Variants in PACRG observed in about 807,000 individuals in gnomAD.
The protein encoded by PACRG is parkin coregulated gene protein.
PACRG carries 29 observed loss-of-function variants against 29.7 expected under a neutral mutation model. The ratio of observed to expected loss-of-function variants is 0.98; its 90% confidence interval spans 0.73 to 1.33. PACRG has a LOEUF of 1.33. Among genes scored for constraint, PACRG ranks in the 40% most tolerant of loss-of-function variants. The pLI, the probability that PACRG is intolerant of heterozygous loss-of-function variation, is 0.00. For synonymous variants in PACRG, 116 were observed against 118.7 expected, an observed-to-expected ratio of 0.98 and a Z score of 0.15; for missense variants, 279 against 316.2, an observed-to-expected ratio of 0.88 and a Z score of 0.89.
At chr6:163,261,900 T>G (rs1241059865) in intron 4 of PACRG, among the ~76,000 whole-genome samples, 3 of 152,086 alleles carry the variant, frequency 2.0e-5, no homozygotes, top group Non-Finnish European at 4.4e-5. Flanking sequence ...CATCTGTGGA[T>G]TTTAGGATCA....
chr6:163,303,761 C>T (rs373305666), intron 4 of PACRG, among the ~76,000 whole-genome samples: 1 of 151,952 alleles, frequency 6.6e-6, no homozygotes, highest in Non-Finnish European at 1.5e-5. Context: ...GTAATCCCAG[C>T]ACTTTGGGGG....
chr6:162,766,633 T>C (rs2128297423), intron 1 of PACRG, among the ~76,000 whole-genome samples: 1 of 152,330 alleles, frequency 6.6e-6, no homozygotes. Context: ...ATTTTGTTTC[T>C]TGAATCTCCA....
chr6:163,109,347 C>A (rs10214583), intron 4 of PACRG, among the ~76,000 whole-genome samples: 4,630 of 152,298 alleles, frequency 0.03, 229 homozygotes, highest in African/African-American at 0.1. Context: ...GAGTTCAGAG[C>A]ATCACTATCA....
At chr6:163,295,008 A>G (rs1784736770) in intron 4 of PACRG, among the ~76,000 whole-genome samples, 1 of 152,200 alleles carries the variant, frequency 6.6e-6, no homozygotes, top group African/African-American at 2.4e-5. Context: ...AACATTATCA[A>G]CTTTCCAAGG....
At chr6:163,142,934 C>CCTAG (rs1318247754) in intron 4 of PACRG, among the ~76,000 whole-genome samples, 1 of 152,204 alleles carries the variant, frequency 6.6e-6, no homozygotes, top group Non-Finnish European at 1.5e-5. Context: ...AAGAATCCGT[C>CCTAG]CTAGAACAGA....
chr6:162,997,534 T>A (rs1413029518), intron 2 of PACRG: 3 of 419,616 alleles, frequency 7.1e-6, no homozygotes, highest in Non-Finnish European at 1.4e-5. Flanking sequence ...TTGGAAAAAT[T>A]CAATGTCAAG....
chr6:162,949,379 G>C (rs1799482248), intron 2 of PACRG, among the ~76,000 whole-genome samples: 1 of 152,130 alleles, frequency 6.6e-6, no homozygotes, highest in Non-Finnish European at 1.5e-5. Context: ...GGGCAGGAAT[G>C]AAGGGGTTGT....
At chr6:163,157,206 G>A (rs1002914243) in intron 4 of PACRG, among the ~76,000 whole-genome samples, 4 of 152,164 alleles carry the variant, frequency 2.6e-5, no homozygotes, top group Admixed American at 6.5e-5. Context: ...TCCGTCCCGC[G>A]TCCAGTAGTG....
At chr6:163,256,561 A>G (rs2128173800) in intron 4 of PACRG, among the ~76,000 whole-genome samples, 1 of 152,334 alleles carries the variant, frequency 6.6e-6, no homozygotes, top group South Asian at 2.1e-4. Flanking sequence ...GACATTGACA[A>G]AGACCCCCAG....
At chr6:163,276,884 C>G (rs1045130075) in intron 4 of PACRG, among the ~76,000 whole-genome samples, 4 of 152,182 alleles carry the variant, frequency 2.6e-5, no homozygotes, top group African/African-American at 9.7e-5. Flanking sequence ...TTACAAATTA[C>G]CCAGTCTAAG....
At chr6:162,977,177 A>G (rs945120670) in intron 2 of PACRG, among the ~76,000 whole-genome samples, 2 of 152,068 alleles carry the variant, frequency 1.3e-5, no homozygotes, top group South Asian at 4.1e-4. Context: ...ATAGACTCAA[A>G]GAAAATATTT....
chr6:163,062,599 C>T (rs746846558), intron 3 of PACRG, among the ~76,000 whole-genome samples: 7 of 152,146 alleles, frequency 4.6e-5, no homozygotes, highest in Middle Eastern at 3.2e-3. Context: ...CATTAACTTA[C>T]GCATCCAGAG....
chr6:162,992,121 G>A (rs1803482031), intron 2 of PACRG, among the ~76,000 whole-genome samples: 1 of 143,008 alleles, frequency 7.0e-6, no homozygotes, highest in African/African-American at 3.0e-5. Flanking sequence ...GCTTTTTGAG[G>A]TGCTGCTGGA....
chr6:163,247,679 T>C (rs1782745195), intron 4 of PACRG, among the ~76,000 whole-genome samples: 1 of 152,106 alleles, frequency 6.6e-6, no homozygotes, highest in African/African-American at 2.4e-5. Flanking sequence ...GCTGCAGTCA[T>C]TTCTATTAGG....
intron 2 of PACRG, among the ~76,000 whole-genome samples, chr6:162,912,226 C>T (rs1796349841): frequency 6.6e-6 from 1 of 152,218 alleles, no homozygotes; most frequent in Non-Finnish European, 1.5e-5. Context: ...AAAATCTATC[C>T]TGTTTCCTTG....
chr6:163,296,126 A>G (rs1205251925), intron 4 of PACRG, among the ~76,000 whole-genome samples: 5 of 152,220 alleles, frequency 3.3e-5, no homozygotes, highest in South Asian at 2.1e-4. Flanking sequence ...AGGCCCCCAA[A>G]GTCTATTTCT....
chr6:162,815,751 T>A (rs1413537273), intron 2 of PACRG, among the ~76,000 whole-genome samples: 2 of 152,120 alleles, frequency 1.3e-5, no homozygotes, highest in African/African-American at 4.8e-5. Flanking sequence ...GATTCATATA[T>A]TTGATTGGTT....
At chr6:162,815,342 G>T (rs911985666) in intron 2 of PACRG, among the ~76,000 whole-genome samples, 1 of 150,236 alleles carries the variant, frequency 6.7e-6, no homozygotes, top group Non-Finnish European at 1.5e-5. Flanking sequence ...AGCTTAAAAA[G>T]GTGCATTAAA....
chr6:162,774,537 A>G (rs1373982300), intron 1 of PACRG, among the ~76,000 whole-genome samples: 5 of 152,210 alleles, frequency 3.3e-5, no homozygotes, highest in African/African-American at 9.6e-5. Context: ...TGATAGTCAA[A>G]TAATGGTATG....
Sources: gnomAD v4.1 joint callset for allele counts (sites outside exome capture counted in the v4.1 genomes callset) on GRCh38, gnomAD v4.1.1 for gene constraint, MANE v1.5 for transcripts, NCBI Gene and HGNC (gene_info 2026-07-23, HGNC 2026-07-21) for gene names.